The following STX18 variants were observed in gnomAD, a reference collection of about 807,000 sequenced individuals.
STX18 encodes syntaxin 18.
Under a neutral mutation model 50.1 loss-of-function variants are expected in STX18, and 40 were observed. The observed-to-expected ratio is 0.80, with a 90% CI of 0.62 to 1.04. The LOEUF is 1.04. Among genes scored for constraint, STX18 ranks in the 50% least tolerant of loss-of-function variants. The probability of loss-of-function intolerance (pLI) is 0.00; values close to 1 mark genes in which losing one functional copy is unlikely to be tolerated. For synonymous variants in STX18, 158 were observed against 151.8 expected (o/e 1.04, Z -0.30); for missense variants, 410 against 415.8 (o/e 0.99, Z 0.12).
intron 1 of STX18, among the ~76,000 whole-genome samples, chr4:4,485,262 C>G (rs1240594241): frequency 1.3e-5 from 2 of 152,344 alleles, no homozygotes; most frequent in East Asian, 3.9e-4. Context: ...AAGAGTCTGA[C>G]ACTGTGTCTG....
chr4:4,518,077 T>C (rs562996425), intron 1 of STX18, among the ~76,000 whole-genome samples: 3 of 152,330 alleles, frequency 2.0e-5, no homozygotes, highest in Middle Eastern at 3.4e-3. Flanking sequence ...CCGGCCTATA[T>C]GTGTTCTTAT....
chr4:4,479,704 G>A (rs1481749850), intron 1 of STX18, among the ~76,000 whole-genome samples: 1 of 152,108 alleles, frequency 6.6e-6, no homozygotes, highest in African/African-American at 2.4e-5. Flanking sequence ...TCAAGACATT[G>A]AAATTCTCCA....
chr4:4,523,480 T>C (rs891458400), intron 1 of STX18, among the ~76,000 whole-genome samples: 1 of 152,214 alleles, frequency 6.6e-6, no homozygotes, highest in Admixed American at 6.5e-5. Flanking sequence ...AACGTGTCCC[T>C]TGGGTGTTCA....
intron 1 of STX18, among the ~76,000 whole-genome samples, chr4:4,538,494 G>C (rs1353743270): frequency 2.0e-5 from 3 of 151,640 alleles, no homozygotes; most frequent in Non-Finnish European, 4.4e-5. Flanking sequence ...GAAAGTGCAA[G>C]AAAACTAAGT....
At chr4:4,532,760 A>C (rs1440846753) in intron 1 of STX18, among the ~76,000 whole-genome samples, 1 of 152,238 alleles carries the variant, frequency 6.6e-6, no homozygotes, top group Non-Finnish European at 1.5e-5. Context: ...TACACTTTTT[A>C]ATTCCTTTCT....
chr4:4,508,409 T>G lies in STX18; in HGVS notation c.168+33388A>C, dbSNP rs74453857. On this transcript the variant is annotated intron_variant, in intron 1 of 10. Coordinates refer to ENST00000306200, the MANE Select transcript of STX18 (RefSeq NM_016930.4). ...AATCTGGTGAAAATCTTGTTTTTTTTTGTGTGTTGCACAAAGATTATATAT... is the reference window on the plus strand; with the variant it reads ...AATCTGGTGAAAATCTTGTTTTTTTGTGTGTGTTGCACAAAGATTATATAT... 8.5e-3 allele frequency among the ~76,000 whole-genome samples: 1,289 copies of G among 152,308 alleles called. 14 individuals carry two copies. Among genetic ancestry groups the G allele is most frequent in the East Asian group, 0.058 (300 of 5,190 alleles).
At position 4,522,524 on chromosome 4, in the gene STX18, A is replaced by T. The variant is rs1257299075; in HGVS notation, c.168+19273T>A. Among the ~76,000 whole-genome samples the T allele has an allele frequency of 2.6e-5, 4 of 152,228 alleles. No homozygotes were observed. The East Asian group carries it at 7.7e-4, about 29-fold the overall frequency. ...TGGGGAGGAGTTGAGAATATTGCCA[A>T]TTCCTTTAGATGCATGAGAAAACTA... On this transcript the variant is annotated intron_variant, in intron 1 of 10. Transcript: ENST00000306200.
At chr4:4,513,955 G>A (rs1381796683) in intron 1 of STX18, among the ~76,000 whole-genome samples, 1 of 152,134 alleles carries the variant, frequency 6.6e-6, no homozygotes, top group Non-Finnish European at 1.5e-5. Flanking sequence ...CCTTAGCGGG[G>A]GTAAGGACAT....
chr4:4,467,584 T>C (rs1727682697), intron 2 of STX18, among the ~76,000 whole-genome samples: 1 of 152,170 alleles, frequency 6.6e-6, no homozygotes, highest in Non-Finnish European at 1.5e-5. Context: ...GGTTATGCCA[T>C]CGCTATGCTT....
chr4:4,452,722 A>G (rs1726824209), intron 5 of STX18, among the ~76,000 whole-genome samples: 1 of 152,236 alleles, frequency 6.6e-6, no homozygotes, highest in East Asian at 1.9e-4. Flanking sequence ...CTCACATTTC[A>G]TAGGCTATAG....
chr4:4,457,295 A>G (rs1264441539), intron 4 of STX18, 38 bp from the exon 5 acceptor site: 1 of 1,602,728 alleles, frequency 6.2e-7, no homozygotes, highest in Non-Finnish European at 8.5e-7. Context: ...AGACTGCTTA[A>G]AACAGCTTCT....
chr4:4,476,514 T>C (rs1433418177), intron 1 of STX18, among the ~76,000 whole-genome samples: 1 of 152,202 alleles, frequency 6.6e-6, no homozygotes, highest in Non-Finnish European at 1.5e-5. Context: ...TTAATAAATA[T>C]GTTGGTGTTT....
At chr4:4,465,788 T>G (rs1341752881) in intron 2 of STX18, among the ~76,000 whole-genome samples, 1 of 152,222 alleles carries the variant, frequency 6.6e-6, no homozygotes, top group East Asian at 1.9e-4. Flanking sequence ...AATAAAAAGC[T>G]ATCTGTACTG....
intron 1 of STX18, among the ~76,000 whole-genome samples, chr4:4,488,748 C>T (rs943956673): frequency 6.6e-6 from 1 of 152,164 alleles, no homozygotes; most frequent in African/African-American, 2.4e-5. Flanking sequence ...CTCCTGTAAT[C>T]TGAAACTCAA....
intron 6 of STX18, among the ~76,000 whole-genome samples, chr4:4,435,304 A>G (rs1725719710): frequency 6.6e-6 from 1 of 152,200 alleles, no homozygotes; most frequent in African/African-American, 2.4e-5. Context: ...ATATATATAC[A>G]GGAAGTGATA....
Position 4,459,506 on chromosome 4 carries a change from G to A in STX18, c.237-19C>T, listed in dbSNP as rs1428708247. 1.3e-6 allele frequency: 2 copies of A among 1,558,692 alleles called. No homozygotes were observed. Among genetic ancestry groups the A allele is most frequent in the African/African-American group, 2.7e-5 (2 of 73,924 alleles). ...GGTATGGCTAAAAAAAGACAGCAAA[G>A]GAAAGGGCAGCAGCAAATGAGAACA... On this transcript the variant is annotated intron_variant, in intron 2 of 10. Transcript: ENST00000306200.
chr4:4,422,619 C>T (rs1011093741), intron 9 of STX18, among the ~76,000 whole-genome samples: 3 of 152,002 alleles, frequency 2.0e-5, no homozygotes, highest in Non-Finnish European at 2.9e-5. Context: ...AAGAAACTCC[C>T]GGTGAGCCAA....
At chr4:4,498,133 T>C (rs1295647257) in intron 1 of STX18, among the ~76,000 whole-genome samples, 2 of 152,220 alleles carry the variant, frequency 1.3e-5, no homozygotes, top group Non-Finnish European at 2.9e-5. Flanking sequence ...GGGGAATTCT[T>C]GTTCCACAGA....
intron 1 of STX18, among the ~76,000 whole-genome samples, chr4:4,479,518 T>C (rs1577359703): frequency 1.3e-5 from 2 of 152,296 alleles, no homozygotes; most frequent in East Asian, 3.9e-4. Context: ...ACAGCCACAA[T>C]CCAGGATCAG....
Sources: gnomAD v4.1 joint callset for allele counts (sites outside exome capture counted in the v4.1 genomes callset) on GRCh38, gnomAD v4.1.1 for gene constraint, MANE v1.5 for transcripts, NCBI Gene and HGNC (gene_info 2026-07-23, HGNC 2026-07-21) for gene names.